Variants in ZWILCH observed in about 807,000 individuals in gnomAD.
The protein encoded by ZWILCH is zwilch kinetochore protein, also known as protein zwilch homolog.
A neutral mutation model predicts 79.9 loss-of-function variants in ZWILCH; 74 were observed. That is an observed-to-expected ratio of 0.93 (90% CI 0.77 to 1.12). The LOEUF is 1.12. ZWILCH is among the 50% of genes most tolerant of loss of function. The probability of loss-of-function intolerance (pLI) is 0.00; values close to 1 mark genes in which losing one functional copy is unlikely to be tolerated. For missense variants in ZWILCH, 694 were observed against 687.5 expected, an observed-to-expected ratio of 1.01 and a Z score of -0.11; for synonymous variants, 241 against 228.2, an observed-to-expected ratio of 1.06 and a Z score of -0.51.
intron 13 of ZWILCH, 79 bp from the exon 14 acceptor site, chr15:66,532,906 G>T: frequency 1.1e-6 from 1 of 950,160 alleles, no homozygotes; most frequent in Non-Finnish European, 1.5e-6. Flanking sequence ...AATTTAAATA[G>T]AAATTTAAAT....
chr15:66,528,971 A>G lies in ZWILCH; in HGVS notation c.1075+14A>G. ...AAATGAGCAGTAGTAGGTGTCCATC[A>G]TGATTTAAATTTTTCCTCTTATTTC... is the stretch of plus-strand genomic sequence containing the variant. On this transcript the variant is annotated intron_variant, in intron 11 of 18. Transcript: ENST00000307897. The G allele has an allele frequency of 2.5e-6, 4 of 1,601,962 alleles. No individual in the cohort carries two copies. Among genetic ancestry groups the G allele is most frequent in the South Asian group, 1.1e-5 (1 of 90,616 alleles).
chr15:66,519,871 C>A (rs1385671659), intron 5 of ZWILCH, among the ~76,000 whole-genome samples: 1 of 152,180 alleles, frequency 6.6e-6, no homozygotes, highest in African/African-American at 2.4e-5. Flanking sequence ...ATTCATAGGC[C>A]ACTGCAACCT....
At position 66,530,901 on chromosome 15, in the gene ZWILCH, C is replaced by T. The variant is rs117924235; in HGVS notation, c.1155+1328C>T. 9.3e-4 allele frequency among the ~76,000 whole-genome samples: 141 copies of T among 152,196 alleles called. No homozygotes were observed. The East Asian group carries it at 0.018, about 19-fold the overall frequency. ...TGATTCTAGGCATTTTAGTTTTAGC[C>T]GTTGAATTTTTCTCTTGAGAGTTTC... is the stretch of plus-strand genomic sequence containing the variant. On this transcript the variant is annotated intron_variant, in intron 12 of 18. Coordinates refer to ENST00000307897, the MANE Select transcript of ZWILCH (RefSeq NM_017975.5).
intron 16 of ZWILCH, among the ~76,000 whole-genome samples, chr15:66,537,935 C>T (rs1378912738): frequency 1.3e-5 from 2 of 151,968 alleles, no homozygotes; most frequent in Non-Finnish European, 2.9e-5. Flanking sequence ...TTTGTTATTC[C>T]TTCAGAGAAG....
In ZWILCH at chr15:66,515,619, C is replaced by T; in HGVS notation, c.295C>T (p.Leu99Phe). 3 of 1,613,616 alleles carry T rather than the reference C, an allele frequency of 1.9e-6. No individual in the cohort carries two copies. The highest frequency in any genetic ancestry group is 2.2e-5 in the South Asian group (2 of 90,912). ...CTCTACTGGCGAAAATGTTGGACCACTTGCTTTACCAGTTGGGAAGGCAAG... is the reference window on the plus strand; with the variant it reads ...CTCTACTGGCGAAAATGTTGGACCATTTGCTTTACCAGTTGGGAAGGCAAG... ...DFSTGENVGP[L>F]ALPVGKARQL... Residue 99 changes from leucine to phenylalanine, a missense_variant, in exon 4 of 19, where the codon CTT (leucine) becomes TTT (phenylalanine). Coordinates refer to ENST00000307897, the MANE Select transcript of ZWILCH (RefSeq NM_017975.5).
At chr15:66,516,262 C>T (rs1310081743) in intron 4 of ZWILCH, among the ~76,000 whole-genome samples, 3 of 152,188 alleles carry the variant, frequency 2.0e-5, no homozygotes, top group African/African-American at 7.2e-5. Flanking sequence ...CTGTTAGAAA[C>T]TTGAGAGCCT....
chr15:66,537,725 A>C (rs964334673), intron 16 of ZWILCH, among the ~76,000 whole-genome samples: 8 of 152,040 alleles, frequency 5.3e-5, no homozygotes, highest in Admixed American at 3.9e-4. Flanking sequence ...ATAAATAAGC[A>C]TTTTAATTTA....
At chr15:66,544,837 G>A (rs932243703) in intron 17 of ZWILCH, among the ~76,000 whole-genome samples, 5 of 150,410 alleles carry the variant, frequency 3.3e-5, no homozygotes, top group South Asian at 2.1e-4. Context: ...TCCGCCTCCC[G>A]GGTTCAAGCT....
At position 66,511,951 on chromosome 15, in the gene ZWILCH, G is replaced by A. The variant is rs559045807; in HGVS notation, c.106-2037G>A. Among the ~76,000 whole-genome samples the A allele has an allele frequency of 5.3e-5, 8 of 152,312 alleles. No individual in the cohort carries two copies. In the East Asian group the frequency reaches 1.5e-3, roughly 29 times the overall value. On this transcript the variant is annotated intron_variant, in intron 2 of 18. Coordinates refer to ENST00000307897, the MANE Select transcript of ZWILCH (RefSeq NM_017975.5). ...TAATATGTTGATATAAGTGATGGAA[G>A]TATAAATGTGTAGGTGCAACATTTT...
intron 4 of ZWILCH, among the ~76,000 whole-genome samples, chr15:66,518,261 T>C (rs1402751140): frequency 6.6e-6 from 1 of 151,674 alleles, no homozygotes; most frequent in African/African-American, 2.4e-5. Context: ...AAGTTTTAGG[T>C]TGTTGTTTCT....
chr15:66,543,048 G>T (rs746198164), intron 17 of ZWILCH, among the ~76,000 whole-genome samples: 2 of 151,914 alleles, frequency 1.3e-5, no homozygotes, highest in Non-Finnish European at 2.9e-5. Context: ...AATTGTAAAA[G>T]AATAGCTGGG....
In ZWILCH at chr15:66,508,849, AT is replaced by A. The variant is rs756443836; in HGVS notation, c.63del (p.Asn21LysfsTer22). The A allele has an allele frequency of 3.5e-5, 56 of 1,614,110 alleles. No individual in the cohort carries two copies. The African/African-American group carries it at 6.7e-4, about 19-fold the overall frequency. ...DFYSRLLQKF[N>X]EEKKGIRKDP... The stretch of plus-strand genomic sequence containing the variant: ...GTGGTTCTGCGTTTCAGGAAATTTA[AT>A]GAAGAAAAGAAAGGAATCCGTAAAG... On this transcript the variant is annotated frameshift_variant, in exon 2 of 19. Coordinates refer to ENST00000307897, the MANE Select transcript of ZWILCH (RefSeq NM_017975.5). LOFTEE classifies it high-confidence loss of function.
chr15:66,522,331 C>CTTTTTTTTTTTTTTTTTT (rs1292788536), intron 7 of ZWILCH, among the ~76,000 whole-genome samples: 1 of 135,858 alleles, frequency 7.4e-6, no homozygotes, highest in Non-Finnish European at 1.6e-5. Flanking sequence ...AGATTTCTTT[C>CTTTTTTTTTTTTTTTTTT]TTTTTTTTTT....
intron 17 of ZWILCH, among the ~76,000 whole-genome samples, chr15:66,542,599 G>A (rs1490206561): frequency 6.6e-6 from 1 of 152,006 alleles, no homozygotes; most frequent in Non-Finnish European, 1.5e-5. Flanking sequence ...AAAGAAATTC[G>A]CAACCCATGT....
At chr15:66,544,697 CT>C (rs1440039751) in intron 17 of ZWILCH, among the ~76,000 whole-genome samples, 1 of 123,116 alleles carries the variant, frequency 8.1e-6, no homozygotes, top group Admixed American at 8.6e-5. Context: ...AAAAAAATGC[CT>C]TGTTTTTTTG....
chr15:66,516,352 C>T (rs1263558740), intron 4 of ZWILCH, among the ~76,000 whole-genome samples: 2 of 152,162 alleles, frequency 1.3e-5, no homozygotes, highest in African/African-American at 4.8e-5. Context: ...CTCCTCCTGC[C>T]TCCAAAACCA....
chr15:66,527,346 A>C lies in ZWILCH; in HGVS notation c.876A>C (p.Ala292=). ...CTGAATGGCTCGAGCCCCTGGAAGC[A>C]AAATCTGCTGTTGAACTTGTTCAGG... ...GVTEWLEPLE[A]KSAVELVQEF... The change falls in exon 9 of 19, where the codon GCA becomes GCC. Residue 292 remains alanine, a synonymous_variant. Coordinates refer to ENST00000307897, the MANE Select transcript of ZWILCH (RefSeq NM_017975.5). 6.2e-7 allele frequency: 1 copy of C among 1,614,134 alleles called. No individual in the cohort carries two copies. The highest frequency in any genetic ancestry group is 1.1e-5 in the South Asian group (1 of 91,082).
rs768006361 is a variant in ZWILCH at position 66,536,055 on chromosome 15, C to G, written c.1464C>G (p.Leu488=). The G allele has an allele frequency of 1.1e-5, 18 of 1,606,430 alleles. No homozygotes were observed. Among genetic ancestry groups the G allele is most frequent in the Admixed American group, 5.1e-5 (3 of 58,288 alleles). ...TCATTAAATCTCAACATGAACTCCTCTTTTCTTTAACACAGTAAGTACATC... is the reference window on the plus strand; with the variant it reads ...TCATTAAATCTCAACATGAACTCCTGTTTTCTTTAACACAGTAAGTACATC... ...MPFIKSQHEL[L]FSLTQICIKY... Residue 488 remains leucine (L), a synonymous_variant, in exon 15 of 19, where the codon CTC becomes CTG. Coordinates refer to ENST00000307897, the MANE Select transcript of ZWILCH (RefSeq NM_017975.5).
chr15:66,508,658 A>C, intron 1 of ZWILCH, 183 bp from the exon 2 acceptor site: 1 of 1,250,976 alleles, frequency 8.0e-7, no homozygotes, highest in East Asian at 2.7e-5. Context: ...TTTTCTTCTT[A>C]ACCTAATGCT....
Sources: gnomAD v4.1 joint callset for allele counts (sites outside exome capture counted in the v4.1 genomes callset) on GRCh38, gnomAD v4.1.1 for gene constraint, MANE v1.5 for transcripts, NCBI Gene and HGNC (gene_info 2026-07-23, HGNC 2026-07-21) for gene names.